Variants in SRA1 observed in about 807,000 individuals in gnomAD.
SRA1 encodes the protein steroid receptor RNA activator 1.
A neutral mutation model predicts 24.3 loss-of-function variants in SRA1; 25 were observed. The ratio of observed to expected loss-of-function variants is 1.03; its 90% CI spans 0.75 to 1.43. The LOEUF (loss-of-function observed/expected upper bound fraction) is 1.43. SRA1 is among the 40% of genes most tolerant of loss of function. SRA1 has a pLI of 0.00. For missense variants in SRA1, 303 were observed against 286.6 expected (o/e 1.06, Z -0.41); for synonymous variants, 104 against 109.5 (o/e 0.95, Z 0.31).
chr5:140,553,106 G>C (rs147154937), intron 2 of SRA1, among the ~76,000 whole-genome samples: 177 of 152,292 alleles, frequency 1.2e-3, no homozygotes, highest in Middle Eastern at 6.8e-3. Flanking sequence ...CTTTCAACTA[G>C]AGCTTAGGTT....
At chr5:140,553,892 C>G (rs1178096971) in intron 2 of SRA1, among the ~76,000 whole-genome samples, 1 of 152,048 alleles carries the variant, frequency 6.6e-6, no homozygotes, top group Non-Finnish European at 1.5e-5. Context: ...CAAGGTGACT[C>G]GTAGTTTCTG....
At chr5:140,554,414 G>A (rs1016730581) in intron 2 of SRA1, among the ~76,000 whole-genome samples, 5 of 152,112 alleles carry the variant, frequency 3.3e-5, no homozygotes. Context: ...GAAAAGTAGA[G>A]GTCATTAAAC....
chr5:140,551,583 T>G (rs1754564561), intron 3 of SRA1: 1 of 204,182 alleles, frequency 4.9e-6, no homozygotes, highest in Non-Finnish European at 9.8e-6. Context: ...TTTAAGACAT[T>G]CTTCAGATCT....
In SRA1 at chr5:140,550,872, TG is replaced by T; in HGVS notation, c.502del (p.His168ThrfsTer9). The T allele has an allele frequency of 1.1e-5, 18 of 1,614,126 alleles. No individual in the cohort carries two copies. The highest frequency in any genetic ancestry group is 1.5e-5 in the Non-Finnish European group (18 of 1,180,026). Reference sequence around the variant, plus strand: ...CACATGGTCAACCATGAGGGAGCGGTGGATGTCATCTGCTGCGTCCCACCGG... The same window carrying T: ...CACATGGTCAACCATGAGGGAGCGGTGATGTCATCTGCTGCGTCCCACCGG... ...SHRWDAADDI[H>X]RSLMVDHVTE... On this transcript the variant is annotated frameshift_variant, in exon 5 of 5. Transcript: ENST00000336283. LOFTEE classifies it high-confidence loss of function.
At chr5:140,555,141 G>A (rs1359124995) in intron 2 of SRA1, among the ~76,000 whole-genome samples, 1 of 151,902 alleles carries the variant, frequency 6.6e-6, no homozygotes, top group African/African-American at 2.4e-5. Context: ...CCTCCAAAGT[G>A]CTGGAATTAC....
At chr5:140,554,654 C>T (rs1754644787) in intron 2 of SRA1, among the ~76,000 whole-genome samples, 1 of 152,204 alleles carries the variant, frequency 6.6e-6, no homozygotes, top group African/African-American at 2.4e-5. Context: ...AGTGTACAAA[C>T]ATGCTCTAGT....
At chr5:140,557,352 C>T (rs920565752) in intron 1 of SRA1, 76 bp downstream of exon 1, 1 of 1,603,816 alleles carries the variant, frequency 6.2e-7, no homozygotes, top group Non-Finnish European at 8.5e-7. Context: ...ACAGAGGGTC[C>T]ATACTAAGCG....
Position 140,557,436 on chromosome 5 carries a change from A to C in SRA1, c.17T>G (p.Val6Gly), listed in dbSNP as rs759884893. 1.2e-5 allele frequency: 19 copies of C among 1,567,782 alleles called. No individual in the cohort carries two copies. Among genetic ancestry groups the C allele is most frequent in the Admixed American group, 5.7e-5 (3 of 52,906 alleles). MAELY[V>G]KPGNKERGWN... ...CCGCCGGCTGCGCTCACCCGGCTTCACGTACAGCTCCGCCATCTCCACTTC... is the reference window on the plus strand; with the variant it reads ...CCGCCGGCTGCGCTCACCCGGCTTCCCGTACAGCTCCGCCATCTCCACTTC... The change falls in exon 1 of 5, where the codon GTG becomes GGG. Residue 6 changes from valine (V) to glycine (G), a missense_variant. Val to Gly is a moderately radical substitution (Grantham distance 109). Transcript: ENST00000336283.
intron 3 of SRA1, 88 bp downstream of exon 3, chr5:140,551,894 C>G: frequency 3.2e-6 from 4 of 1,233,026 alleles, no homozygotes; most frequent in Non-Finnish European, 4.6e-6. Flanking sequence ...AACCTGTCCA[C>G]TGGGTCAGAG....
At position 140,550,881 on chromosome 5, in the gene SRA1, TCTG is replaced by T; in HGVS notation, c.491_493del (p.Ala164del). On this transcript the variant is annotated inframe_deletion, in exon 5 of 5. Coordinates refer to ENST00000336283, the MANE Select transcript of SRA1 (RefSeq NM_001035235.4). ...AACCATGAGGGAGCGGTGGATGTCA[TCTG>T]CTGCGTCCCACCGGTGGCTTGAAAG... 6.2e-7 allele frequency: 1 copy of T among 1,614,182 alleles called. No homozygotes were observed. Among genetic ancestry groups the T allele is most frequent in the Non-Finnish European group, 8.5e-7 (1 of 1,180,034 alleles).
intron 2 of SRA1, among the ~76,000 whole-genome samples, chr5:140,555,425 G>A (rs752715371): frequency 8.6e-5 from 13 of 151,888 alleles, no homozygotes; most frequent in African/African-American, 2.9e-4. Flanking sequence ...TAGAGACAGC[G>A]TTTCGCCATG....
chr5:140,550,923 C>CG lies in SRA1; in HGVS notation c.464-13dup. 1 of 1,613,290 alleles carries CG rather than the reference C, an allele frequency of 6.2e-7. No homozygotes were observed. The highest frequency in any genetic ancestry group is 8.5e-7 in the Non-Finnish European group (1 of 1,179,424). On this transcript the variant is annotated splice_polypyrimidine_tract_variant and intron_variant, in intron 4 of 4. Coordinates refer to ENST00000336283, the MANE Select transcript of SRA1 (RefSeq NM_001035235.4). The stretch of plus-strand genomic sequence containing the variant: ...GTGGCTTGAAAGCTCTGAAGAGAGA[C>CG]GGGGGTTGAGCAAGCAGCCTGTGGT...
intron 2 of SRA1, 53 bp downstream of exon 2, chr5:140,557,093 AC>A: frequency 1.1e-6 from 1 of 904,946 alleles, no homozygotes. Context: ...CTTATGCCTT[AC>A]ACCCCCCCCC....
At chr5:140,552,262 AG>A in intron 2 of SRA1, 78 bp from the exon 3 acceptor site, 1 of 1,102,492 alleles carries the variant, frequency 9.1e-7, no homozygotes, top group East Asian at 2.6e-5. Flanking sequence ...CCTTCTAAGA[AG>A]GGCTACTCTC....
Position 140,552,048 on chromosome 5 carries a change from C to T in SRA1, c.288G>A (p.Glu96=). 1 of 1,424,710 alleles carries T rather than the reference C, an allele frequency of 7.0e-7. No homozygotes were observed. Among genetic ancestry groups the T allele is most frequent in the Non-Finnish European group, 9.7e-7 (1 of 1,028,312 alleles). The allele number at this position is 1,424,710 out of a possible 1,614,324, so 88.3% of individuals were successfully genotyped here. A position where few individuals can be genotyped will look rare whatever the true frequency, so the allele number is the denominator to read the frequency against. ...GTCTCAGCACATCCTCCATCACAGC[C>T]TCAGACTCGACTGGGAAACTTGTGG... ...VEPTSFPVES[E]AVMEDVLRPL... is the part of the protein sequence containing the mutation. The change falls in exon 3 of 5, where the codon GAG becomes GAA. Residue 96 remains glutamate (E), a synonymous_variant. Transcript: ENST00000336283.
intron 2 of SRA1, among the ~76,000 whole-genome samples, chr5:140,556,247 A>G (rs1238546266): frequency 6.6e-6 from 1 of 152,168 alleles, no homozygotes; most frequent in East Asian, 1.9e-4. Flanking sequence ...TGGAGAATGG[A>G]GGGCCACTGA....
rs1418981103 is a variant in SRA1 at position 140,557,442 on chromosome 5, A to G, written c.11T>C (p.Leu4Pro). 1.9e-6 allele frequency: 3 copies of G among 1,564,612 alleles called. No individual in the cohort carries two copies. Among genetic ancestry groups the G allele is most frequent in the East Asian group, 2.4e-5 (1 of 41,828 alleles). The change falls in exon 1 of 5, where the codon CTG becomes CCG. Residue 4 changes from leucine (L) to proline (P), a missense_variant. Transcript: ENST00000336283. ...GCTGCGCTCACCCGGCTTCACGTACAGCTCCGCCATCTCCACTTCCGCTTG... is the reference window on the plus strand; with the variant it reads ...GCTGCGCTCACCCGGCTTCACGTACGGCTCCGCCATCTCCACTTCCGCTTG... MAE[L>P]YVKPGNKERG...
intron 2 of SRA1, among the ~76,000 whole-genome samples, chr5:140,553,135 G>C (rs1754608368): frequency 6.6e-6 from 1 of 152,142 alleles, no homozygotes; most frequent in South Asian, 2.1e-4. Flanking sequence ...GTAAAATGGG[G>C]ATGAATATAA....
rs1754546480 is a variant in SRA1 at position 140,551,098 on chromosome 5, T to C, written c.426A>G (p.Ser142=). 6.2e-7 allele frequency: 1 copy of C among 1,614,090 alleles called. No homozygotes were observed. The change falls in exon 4 of 5, where the codon TCA becomes TCG. Residue 142 remains serine, a synonymous_variant. Coordinates refer to ENST00000336283, the MANE Select transcript of SRA1 (RefSeq NM_001035235.4). ...GAGCCATTCTCTTCTTTACAGGTAT[T>C]GACAACTTTCCTCCAGCCCACTGTT... The part of the protein sequence containing the change: ...LQEQWAGGKL[S]IPVKKRMALL...
Sources: gnomAD v4.1 joint callset for allele counts (sites outside exome capture counted in the v4.1 genomes callset) on GRCh38, gnomAD v4.1.1 for gene constraint, MANE v1.5 for transcripts, NCBI Gene and HGNC (gene_info 2026-07-23, HGNC 2026-07-21) for gene names.